CEP63: variants seen among roughly 807,000 people sequenced by gnomAD.
CEP63 encodes the protein centrosomal protein 63.
Under a neutral mutation model 89.1 loss-of-function variants are expected in CEP63, and 84 were observed. The ratio of observed to expected loss-of-function variants is 0.94; its 90% CI spans 0.79 to 1.13. The LOEUF is 1.13. CEP63 is among the 50% of genes most tolerant of loss of function. CEP63 has a pLI of 0.00. For missense variants in CEP63, 838 were observed against 813.3 expected, an observed-to-expected ratio of 1.03 and a Z score of -0.37; for synonymous variants, 267 against 272.5, an observed-to-expected ratio of 0.98 and a Z score of 0.20.
the CEP63 span, among the ~76,000 whole-genome samples, chr3:134,663,138 C>T: frequency 0.01 from 1,533 of 152,318 alleles, 36 homozygotes; most frequent in East Asian, 0.093. Flanking sequence ...GCCCCAGATA[C>T]AGGCCCCTCT....
chr3:134,561,745 A>G lies in CEP63; in HGVS notation c.*210A>G. 7.2e-7 allele frequency: 1 copy of G among 1,386,362 alleles called. No homozygotes were observed. The highest frequency in any genetic ancestry group is 9.3e-7 in the Non-Finnish European group (1 of 1,073,402). 85.9% of individuals were successfully genotyped at this position (1,386,362 alleles called of 1,614,324 possible). Reference sequence around the variant, plus strand: ...AAGGACTTCTTCCAGCAATAAGTTGAAAGAATAAACCACTTTGCTAGACTT... The same window carrying G: ...AAGGACTTCTTCCAGCAATAAGTTGGAAGAATAAACCACTTTGCTAGACTT... On this transcript the variant is annotated 3_prime_UTR_variant, in exon 15 of 15. Transcript: ENST00000675561.
downstream of CEP63, among the ~76,000 whole-genome samples, chr3:134,592,469 G>GGTGTGTGTGGGTGTGT (rs1958616088): frequency 8.0e-6 from 1 of 125,108 alleles, no homozygotes. Flanking sequence ...TCTGCAAACT[G>GGTGTGTGTGGGTGTGT]GTGTGTGTGT....
the CEP63 span, among the ~76,000 whole-genome samples, chr3:134,660,685 G>A: frequency 6.6e-6 from 1 of 152,186 alleles, no homozygotes. Context: ...ATTTAGTGAG[G>A]GCAACATAGC....
chr3:134,509,212 A>G (rs1052846271), intron 3 of CEP63, among the ~76,000 whole-genome samples: 1 of 152,192 alleles, frequency 6.6e-6, no homozygotes, highest in East Asian at 1.9e-4. Flanking sequence ...GCCCCAGGAA[A>G]CTTTCAGTTA....
chr3:134,671,957 T>C, the CEP63 span, among the ~76,000 whole-genome samples: 1 of 152,130 alleles, frequency 6.6e-6, no homozygotes, highest in Non-Finnish European at 1.5e-5. Context: ...ACAGTGAGGG[T>C]GAGGACCTGG....
chr3:134,757,009 C>T, the CEP63 span, among the ~76,000 whole-genome samples: 4 of 152,108 alleles, frequency 2.6e-5, no homozygotes, highest in Non-Finnish European at 5.9e-5. Flanking sequence ...AAATAGGGAC[C>T]CAGTGGACTC....
chr3:134,623,877 C>T, the CEP63 span, among the ~76,000 whole-genome samples: 1 of 152,130 alleles, frequency 6.6e-6, no homozygotes, highest in Non-Finnish European at 1.5e-5. Context: ...TGCCCCAGCC[C>T]CTTTGATGGC....
intron 6 of CEP63, among the ~76,000 whole-genome samples, chr3:134,543,935 C>G (rs1296889121): frequency 6.7e-6 from 1 of 148,914 alleles, no homozygotes; most frequent in Non-Finnish European, 1.5e-5. Flanking sequence ...TGATGTTCTT[C>G]CTTTATACCA....
At chr3:134,574,779 A>G in intron 11 of CEP63, 1 of 538,594 alleles carries the variant, frequency 1.9e-6, no homozygotes, top group Non-Finnish European at 3.4e-6. Flanking sequence ...AATTTTTTAT[A>G]TTTTTTTTTG....
the CEP63 span, chr3:134,607,194 A>G: frequency 1.0e-6 from 1 of 985,484 alleles, no homozygotes; most frequent in Non-Finnish European, 1.2e-6. Flanking sequence ...TTGTAAGCAC[A>G]GGAAATGGAT....
chr3:134,656,763 C>T, the CEP63 span, among the ~76,000 whole-genome samples: 1 of 152,134 alleles, frequency 6.6e-6, no homozygotes, highest in Non-Finnish European at 1.5e-5. Flanking sequence ...TGAAGGGCCA[C>T]GCCCCAGCTC....
the CEP63 span, chr3:134,604,130 G>T: frequency 6.2e-6 from 10 of 1,607,994 alleles, no homozygotes; most frequent in South Asian, 4.4e-5. Flanking sequence ...ATGGAGCAGC[G>T]CCCGTCGCTG....
chr3:134,547,499 A>C, intron 9 of CEP63, 27 bp downstream of exon 9: 2 of 1,604,426 alleles, frequency 1.2e-6, no homozygotes, highest in South Asian at 2.2e-5. Flanking sequence ...ACATTTCAAA[A>C]ATTTCAAGTT....
chr3:134,620,853 G>A, the CEP63 span: 1 of 1,605,816 alleles, frequency 6.2e-7, no homozygotes, highest in Non-Finnish European at 8.5e-7. Context: ...ACTCTTGGCT[G>A]TCACCTGGGG....
At chr3:134,748,486 T>C in the CEP63 span, among the ~76,000 whole-genome samples, 18 of 152,080 alleles carry the variant, frequency 1.2e-4, no homozygotes, top group East Asian at 3.5e-3. Flanking sequence ...ACACAGGTCA[T>C]CAGACTCCAA....
chr3:134,741,918 A>G, the CEP63 span, among the ~76,000 whole-genome samples: 5 of 152,054 alleles, frequency 3.3e-5, no homozygotes, highest in Non-Finnish European at 7.4e-5. Context: ...CTGGAGGAAG[A>G]CTAGCCAGAA....
chr3:134,674,750 A>T, the CEP63 span, among the ~76,000 whole-genome samples: 3,020 of 152,318 alleles, frequency 0.02, 95 homozygotes, highest in African/African-American at 0.066. Context: ...ATATATAAAA[A>T]TTAATCATTT....
the CEP63 span, among the ~76,000 whole-genome samples, chr3:134,725,410 G>A: frequency 6.6e-6 from 1 of 152,012 alleles, no homozygotes; most frequent in African/African-American, 2.4e-5. Flanking sequence ...GAGTGCTGTG[G>A]CCACTCAGGA....
chr3:134,700,226 C>G, the CEP63 span, among the ~76,000 whole-genome samples: 1 of 152,152 alleles, frequency 6.6e-6, no homozygotes. Flanking sequence ...CCAAACATTG[C>G]GAACATATCC....
Sources: gnomAD v4.1 joint callset for allele counts (sites outside exome capture counted in the v4.1 genomes callset) on GRCh38, gnomAD v4.1.1 for gene constraint, MANE v1.5 for transcripts, NCBI Gene and HGNC (gene_info 2026-07-23, HGNC 2026-07-21) for gene names.